Variants in ADARB2 observed in about 807,000 individuals in gnomAD.
ADARB2 encodes the protein adenosine deaminase RNA specific B2 (inactive).
In ADARB2, 25 loss-of-function variants were observed where a neutral mutation model predicts 62.2. That is an observed-to-expected ratio of 0.40 (90% CI 0.29 to 0.56). The LOEUF (loss-of-function observed/expected upper bound fraction) is 0.56, where lower values mean the gene tolerates loss of function less well. Among genes scored for constraint, ADARB2 ranks in the 20% least tolerant of loss-of-function variants. The pLI, the probability that ADARB2 is intolerant of heterozygous loss-of-function variation, is 0.43. For synonymous variants in ADARB2, 572 were observed against 500.8 expected (o/e 1.14, Z -1.90); for missense variants, 1,071 against 1,077.4 (o/e 0.99, Z 0.08).
At chr10:1,571,871 T>C (rs1480998942) in intron 1 of ADARB2, among the ~76,000 whole-genome samples, 3 of 90,680 alleles carry the variant, frequency 3.3e-5, no homozygotes, top group African/African-American at 1.2e-4. Flanking sequence ...CAGGTGAGTG[T>C]GCAGGCGAGT....
chr10:1,314,963 G>T (rs1831724697), intron 3 of ADARB2, among the ~76,000 whole-genome samples: 1 of 152,128 alleles, frequency 6.6e-6, no homozygotes, highest in Non-Finnish European at 1.5e-5. Context: ...TCACGCAGAG[G>T]GTGTCAGCCG....
intron 1 of ADARB2, among the ~76,000 whole-genome samples, chr10:1,404,171 C>T (rs960989176): frequency 3.3e-5 from 5 of 152,250 alleles, no homozygotes; most frequent in Non-Finnish European, 7.3e-5. Context: ...GGCCAAGCTG[C>T]TTACTTAGTT....
chr10:1,711,613 T>C (rs1242045519), intron 1 of ADARB2, among the ~76,000 whole-genome samples: 1 of 152,238 alleles, frequency 6.6e-6, no homozygotes, highest in Non-Finnish European at 1.5e-5. Flanking sequence ...TTTCCAGCTG[T>C]GTGATCTGAG....
intron 1 of ADARB2, among the ~76,000 whole-genome samples, chr10:1,412,637 A>G (rs1239024255): frequency 6.6e-6 from 1 of 152,098 alleles, no homozygotes; most frequent in Non-Finnish European, 1.5e-5. Context: ...TCAACTCAGG[A>G]GCAACTGAAG....
intron 1 of ADARB2, among the ~76,000 whole-genome samples, chr10:1,722,820 C>T (rs761864477): frequency 1.6e-4 from 24 of 152,176 alleles, no homozygotes; most frequent in East Asian, 1.9e-4. Flanking sequence ...TCTAGTTCAA[C>T]GACCTCTGCA....
At chr10:1,525,822 T>C (rs985606986) in intron 1 of ADARB2, among the ~76,000 whole-genome samples, 1 of 152,120 alleles carries the variant, frequency 6.6e-6, no homozygotes, top group South Asian at 2.1e-4. Context: ...TGTACGTGTG[T>C]GCGCATGTGT....
At chr10:1,375,963 A>AGG (rs141441041) in intron 2 of ADARB2, among the ~76,000 whole-genome samples, 1 of 150,828 alleles carries the variant, frequency 6.6e-6, no homozygotes, top group Admixed American at 6.6e-5. Context: ...ACATGCACAC[A>AGG]CACACATGTG....
intron 1 of ADARB2, among the ~76,000 whole-genome samples, chr10:1,530,061 A>G (rs1287414261): frequency 2.0e-5 from 3 of 151,418 alleles, no homozygotes; most frequent in Non-Finnish European, 4.4e-5. Flanking sequence ...GCGCCTATCC[A>G]CTGCTTCTGC....
At chr10:1,206,206 C>T (rs527482943) in intron 7 of ADARB2, among the ~76,000 whole-genome samples, 5 of 152,340 alleles carry the variant, frequency 3.3e-5, no homozygotes, top group Admixed American at 1.3e-4. Flanking sequence ...TTCCTTCGCA[C>T]GAGAGTGAAG....
chr10:1,457,401 T>C (rs1831107873), intron 1 of ADARB2, among the ~76,000 whole-genome samples: 1 of 152,112 alleles, frequency 6.6e-6, no homozygotes, highest in African/African-American at 2.4e-5. Context: ...AGGGTCTTTG[T>C]CTTCTGATGC....
chr10:1,505,674 G>A lies in ADARB2; in HGVS notation c.101-126514C>T, dbSNP rs370779291. Among the ~76,000 whole-genome samples, 439 of 114,552 alleles carry A rather than the reference G, an allele frequency of 3.8e-3. 6 individuals are homozygous for A. The highest frequency in any genetic ancestry group is 0.011 in the African/African-American group (382 of 36,116). 75.2% of individuals were successfully genotyped at this position (114,552 alleles called of 152,430 possible). A position where few individuals can be genotyped will look rare whatever the true frequency, so the allele number is the denominator to read the frequency against. On this transcript the variant is annotated intron_variant, in intron 1 of 9. Transcript: ENST00000381312. Reference sequence around the variant, plus strand: ...CCATGGCAGCCACCTCCCCATGCCCGTGGTTCTGCCACTTCCGTCCCCACC... The same window carrying A: ...CCATGGCAGCCACCTCCCCATGCCCATGGTTCTGCCACTTCCGTCCCCACC...
chr10:1,635,211 T>G lies in ADARB2; in HGVS notation c.100+101840A>C, dbSNP rs75564205. On this transcript the variant is annotated intron_variant, in intron 1 of 9. Coordinates refer to ENST00000381312, the MANE Select transcript of ADARB2 (RefSeq NM_018702.4). ...AACACACAATTTTAATAGGTTACCTTGAGAATGATCACCTTCCTTCATTAT... is the reference window on the plus strand; with the variant it reads ...AACACACAATTTTAATAGGTTACCTGGAGAATGATCACCTTCCTTCATTAT... 1.6e-3 allele frequency among the ~76,000 whole-genome samples: 247 copies of G among 152,352 alleles called. 3 individuals carry two copies. The highest frequency in any genetic ancestry group is 5.8e-3 in the African/African-American group (240 of 41,588).
At chr10:1,206,665 A>T (rs777954102) in intron 7 of ADARB2, among the ~76,000 whole-genome samples, 1 of 152,104 alleles carries the variant, frequency 6.6e-6, no homozygotes, top group Non-Finnish European at 1.5e-5. Context: ...CCATGAGATG[A>T]CGCCTTGTGA....
chr10:1,601,676 T>C (rs982134394), intron 1 of ADARB2, among the ~76,000 whole-genome samples: 5 of 152,068 alleles, frequency 3.3e-5, no homozygotes, highest in African/African-American at 1.2e-4. Context: ...CCAAGGAACG[T>C]TGGTGGGAGA....
At position 1,462,419 on chromosome 10, in the gene ADARB2, C is replaced by G. The variant is rs79259078; in HGVS notation, c.101-83259G>C. On this transcript the variant is annotated intron_variant, in intron 1 of 9. Coordinates refer to ENST00000381312, the MANE Select transcript of ADARB2 (RefSeq NM_018702.4). The stretch of plus-strand genomic sequence containing the variant: ...CCTCTACCTGCCGCCAGGGCTGCGT[C>G]CTAACCAAAGACAGCCAGGCAATGA... 1.6e-4 allele frequency among the ~76,000 whole-genome samples: 24 copies of G among 152,388 alleles called. No homozygotes were observed. In the East Asian group the frequency reaches 4.2e-3, roughly 27 times the overall value.
chr10:1,232,838 G>A (rs113138588), intron 6 of ADARB2, among the ~76,000 whole-genome samples: 5,521 of 151,420 alleles, frequency 0.036, 329 homozygotes, highest in African/African-American at 0.13. Context: ...TGTGGTATGT[G>A]TGTGGTATAT....
At chr10:1,604,417 G>A (rs1833469658) in intron 1 of ADARB2, among the ~76,000 whole-genome samples, 1 of 152,156 alleles carries the variant, frequency 6.6e-6, no homozygotes, top group Admixed American at 6.5e-5. Flanking sequence ...CTCCAGGCTG[G>A]GAACAGGCAG....
At chr10:1,281,741 G>A (rs1831373061) in intron 3 of ADARB2, among the ~76,000 whole-genome samples, 2 of 152,200 alleles carry the variant, frequency 1.3e-5, no homozygotes, top group Admixed American at 6.5e-5. Context: ...ACACTCCTAA[G>A]CCCAGGAAAC....
At chr10:1,249,130 G>A (rs1251731169) in intron 4 of ADARB2, among the ~76,000 whole-genome samples, 4 of 152,194 alleles carry the variant, frequency 2.6e-5, no homozygotes, top group Admixed American at 2.6e-4. Context: ...TTTCTGAAAT[G>A]TGATAATCAG....
Sources: gnomAD v4.1 joint callset for allele counts (sites outside exome capture counted in the v4.1 genomes callset) on GRCh38, gnomAD v4.1.1 for gene constraint, MANE v1.5 for transcripts, NCBI Gene and HGNC (gene_info 2026-07-23, HGNC 2026-07-21) for gene names.